OR56A3: variants seen among roughly 807,000 people sequenced by gnomAD.
The protein encoded by OR56A3 is olfactory receptor 56A3.
Under a neutral mutation model 17.5 loss-of-function variants are expected in OR56A3, and 23 were observed. That is an observed-to-expected ratio of 1.32 (90% CI 0.95 to 1.87). OR56A3 has a LOEUF of 1.87. Ranked by LOEUF, OR56A3 falls within the 40% of genes most tolerant of loss-of-function variation. The pLI, the probability that OR56A3 is intolerant of heterozygous loss-of-function variation, is 0.00. For synonymous variants in OR56A3, 175 were observed against 150.6 expected (o/e 1.16, Z -1.19); for missense variants, 366 against 380.1 (o/e 0.96, Z 0.31).
chr11:5,975,555 G>T, the OR56A3 span, among the ~76,000 whole-genome samples: 1 of 151,874 alleles, frequency 6.6e-6, no homozygotes. Context: ...TTTTATGGCT[G>T]CATAGTATTC....
the OR56A3 span, chr11:5,986,191 G>A: frequency 6.2e-7 from 1 of 1,613,784 alleles, no homozygotes; most frequent in Non-Finnish European, 8.5e-7. Context: ...CTCACTCCCT[G>A]GTACCTTCAG....
At chr11:5,966,326 A>C in the OR56A3 span, among the ~76,000 whole-genome samples, 1 of 152,100 alleles carries the variant, frequency 6.6e-6, no homozygotes, top group Non-Finnish European at 1.5e-5. Flanking sequence ...GTGAGCCAAG[A>C]TCATGGCACT....
At chr11:6,008,598 AG>A in the OR56A3 span, among the ~76,000 whole-genome samples, 1 of 151,954 alleles carries the variant, frequency 6.6e-6, no homozygotes, top group African/African-American at 2.4e-5. Context: ...GGGCAATGTT[AG>A]AGACTCTCAG....
At chr11:6,002,966 A>C in the OR56A3 span, 1 of 1,614,074 alleles carries the variant, frequency 6.2e-7, no homozygotes, top group South Asian at 1.1e-5. Flanking sequence ...AGACTGGGGC[A>C]GTGGAGTCAT....
At chr11:5,957,737 T>G in the OR56A3 span, among the ~76,000 whole-genome samples, 1,047 of 152,326 alleles carry the variant, frequency 6.9e-3, 15 homozygotes, top group African/African-American at 0.024. Context: ...AGAAACATTT[T>G]TTTAAAGATT....
At chr11:5,982,250 T>G in the OR56A3 span, among the ~76,000 whole-genome samples, 2 of 152,178 alleles carry the variant, frequency 1.3e-5, no homozygotes, top group East Asian at 1.9e-4. Flanking sequence ...GGTCCACGCA[T>G]ACGTGTGCAT....
rs1847903062 is a variant in OR56A3, at chr11:5,950,784, T to C, written c.*2490T>C. 1 of 152,170 alleles carries C rather than the reference T, an allele frequency of 6.6e-6. No homozygotes were observed. The highest frequency in any genetic ancestry group is 1.5e-5 in the Non-Finnish European group (1 of 67,994). The allele number at this position is 152,170 out of a possible 1,614,324, so 9.4% of individuals were successfully genotyped here. A position where few individuals can be genotyped will look rare whatever the true frequency, so the allele number is the denominator to read the frequency against. ...CACCCTGAGTATTTTACACTTAACA[T>C]ACATTTTAATTCAGACTACCCAGAT... On this transcript the variant is annotated 3_prime_UTR_variant, in exon 3 of 3. Coordinates refer to ENST00000641160, the MANE Select transcript of OR56A3 (RefSeq NM_001003443.3).
the OR56A3 span, among the ~76,000 whole-genome samples, chr11:6,013,214 G>A: frequency 2.0e-5 from 3 of 152,252 alleles, no homozygotes; most frequent in African/African-American, 7.2e-5. Flanking sequence ...GGAGCATGCA[G>A]CCTCAGCCAC....
the OR56A3 span, among the ~76,000 whole-genome samples, chr11:6,005,166 C>T: frequency 1.1e-4 from 17 of 152,056 alleles, no homozygotes; most frequent in Admixed American, 8.5e-4. Flanking sequence ...ATAAATGATA[C>T]GTAACTTTAG....
At chr11:5,990,748 C>T in the OR56A3 span, among the ~76,000 whole-genome samples, 4 of 152,158 alleles carry the variant, frequency 2.6e-5, no homozygotes, top group East Asian at 7.7e-4. Context: ...GCTCCACTCA[C>T]AACATGGATA....
the OR56A3 span, among the ~76,000 whole-genome samples, chr11:6,013,027 A>C: frequency 6.6e-6 from 1 of 152,186 alleles, no homozygotes; most frequent in Admixed American, 6.5e-5. Flanking sequence ...AGCCCCCAAG[A>C]GCGCAGAAAG....
the OR56A3 span, chr11:5,999,899 G>A: frequency 6.6e-6 from 1 of 152,224 alleles, no homozygotes; most frequent in Non-Finnish European, 1.5e-5. Context: ...CAGTCGGGAG[G>A]ATCAGGGAAG....
the OR56A3 span, among the ~76,000 whole-genome samples, chr11:5,972,477 C>A: frequency 6.6e-6 from 1 of 152,142 alleles, no homozygotes; most frequent in African/African-American, 2.4e-5. Flanking sequence ...ACAGAGGATA[C>A]AACAGATTAG....
the OR56A3 span, among the ~76,000 whole-genome samples, chr11:6,009,384 G>T: frequency 6.6e-6 from 1 of 152,052 alleles, no homozygotes; most frequent in Non-Finnish European, 1.5e-5. Flanking sequence ...TAACTCTTCA[G>T]TGCTTTTACA....
chr11:6,005,317 A>G, the OR56A3 span, among the ~76,000 whole-genome samples: 11 of 152,336 alleles, frequency 7.2e-5, no homozygotes, highest in African/African-American at 2.6e-4. Flanking sequence ...CTTTTAGGCA[A>G]AGGTAAGAAC....
At chr11:6,001,422 A>C in the OR56A3 span, 1 of 152,312 alleles carries the variant, frequency 6.6e-6, no homozygotes, top group Non-Finnish European at 1.5e-5. Flanking sequence ...GTAGAGAGAA[A>C]GAATAGAAAA....
the OR56A3 span, among the ~76,000 whole-genome samples, chr11:5,974,298 G>C: frequency 6.6e-6 from 1 of 151,912 alleles, no homozygotes; most frequent in African/African-American, 2.4e-5. Flanking sequence ...ATAGAGACGG[G>C]GTTTCACCAT....
the OR56A3 span, chr11:5,967,969 T>A: frequency 6.3e-7 from 1 of 1,592,636 alleles, no homozygotes; most frequent in Non-Finnish European, 8.6e-7. Context: ...TTCTTGATGA[T>A]GTGTCCTGCA....
At chr11:6,019,374 A>G in the OR56A3 span, 1 of 152,164 alleles carries the variant, frequency 6.6e-6, no homozygotes, top group Non-Finnish European at 1.5e-5. Flanking sequence ...ACGCATGCAA[A>G]TCAATAAATG....
Sources: gnomAD v4.1 joint callset for allele counts (sites outside exome capture counted in the v4.1 genomes callset) on GRCh38, gnomAD v4.1.1 for gene constraint, MANE v1.5 for transcripts, NCBI Gene and HGNC (gene_info 2026-07-23, HGNC 2026-07-21) for gene names.